The following NUDT14 variants were observed in gnomAD, a reference collection of about 807,000 sequenced individuals.
NUDT14 encodes the protein uridine diphosphate glucose pyrophosphatase NUDT14.
In NUDT14, 22 loss-of-function variants were observed where a neutral mutation model predicts 17.5. The observed-to-expected ratio is 1.26, with a 90% CI of 0.90 to 1.80. The LOEUF (loss-of-function observed/expected upper bound fraction) is 1.80, where lower values mean the gene tolerates loss of function less well. Among genes scored for constraint, NUDT14 ranks in the 40% most tolerant of loss-of-function variants. The pLI is 0.00. For missense variants in NUDT14, 296 were observed against 295.6 expected, an observed-to-expected ratio of 1.00 and a Z score of -0.01; for synonymous variants, 129 against 125.8, an observed-to-expected ratio of 1.03 and a Z score of -0.17.
At position 105,177,564 on chromosome 14, in the gene NUDT14, G is replaced by A. The variant is rs1221308954; in HGVS notation, c.125+128C>T. ...AAACCCAGAGGCCGGGCAGAGAGAA[G>A]GGACTTTTGGAGCCCACGCAGGGAA... On this transcript the variant is annotated intron_variant, in intron 2 of 4. Transcript: ENST00000392568. 7.3e-5 allele frequency: 61 copies of A among 833,470 alleles called. 1 individual carries two copies. Among genetic ancestry groups the A allele is most frequent in the South Asian group, 3.0e-4 (19 of 63,794 alleles). The allele number at this position is 833,470 out of a possible 1,614,324, so 51.6% of individuals were successfully genotyped here.
chr14:105,180,538 C>A (rs1260009836), intron 1 of NUDT14, among the ~76,000 whole-genome samples: 1 of 152,186 alleles, frequency 6.6e-6, no homozygotes, highest in Non-Finnish European at 1.5e-5. Context: ...AATACAGCCT[C>A]TTGTGCCGTG....
chr14:105,175,107 C>T (rs1889182422), intron 4 of NUDT14, among the ~76,000 whole-genome samples: 2 of 152,174 alleles, frequency 1.3e-5, no homozygotes, highest in Non-Finnish European at 2.9e-5. Flanking sequence ...AGGCTGTGGC[C>T]CAGAGGCTGT....
At chr14:105,176,434 A>C in intron 4 of NUDT14, 100 bp downstream of exon 4, 2 of 997,940 alleles carry the variant, frequency 2.0e-6, no homozygotes, top group Non-Finnish European at 3.1e-6. Context: ...TTGGAAAACA[A>C]GGAGGAATCC....
intron 4 of NUDT14, 60 bp downstream of exon 4, chr14:105,176,466 GGACGGGGC>G: frequency 7.8e-7 from 1 of 1,282,252 alleles, no homozygotes; most frequent in Non-Finnish European, 1.1e-6. Flanking sequence ...ACACTCCCAG[GGACGGGGC>G]CCTCACTCTC....
Position 105,173,530 on chromosome 14 carries a change from T to A in NUDT14, c.429-269A>T. On this transcript the variant is annotated intron_variant, in intron 4 of 4. Coordinates refer to ENST00000392568, the MANE Select transcript of NUDT14 (RefSeq NM_177533.5). This position sits in a 1 kb window ranked among gnomAD's most constrained non-coding sequence, Gnocchi z 4.7. ...TGATTAAGGACCCTAACCGGTGACT[T>A]GAGCTCATCAGAAGGGAGAGCATCC... is the stretch of plus-strand genomic sequence containing the variant. 1 of 332,666 alleles carries A rather than the reference T, an allele frequency of 3.0e-6. No homozygotes were observed. 20.6% of individuals were successfully genotyped at this position (332,666 alleles called of 1,614,324 possible).
chr14:105,175,885 G>A, intron 4 of NUDT14: 6 of 1,169,888 alleles, frequency 5.1e-6, no homozygotes, highest in Non-Finnish European at 4.3e-6. Flanking sequence ...GGCCTCTGGA[G>A]GAGGCTGTGG....
chr14:105,173,442 C>G lies in NUDT14; in HGVS notation c.429-181G>C, dbSNP rs112062556. On this transcript the variant is annotated intron_variant, in intron 4 of 4. Transcript: ENST00000392568. The surrounding 1 kb of genome is among the most constrained non-coding windows in gnomAD (Gnocchi z 4.7). Reference sequence around the variant, plus strand: ...TGGTGTGCACGCCCGTGGCCCCTCCCGCAGCAGGGCATCCCTTCCCTGATC... The same window carrying G: ...TGGTGTGCACGCCCGTGGCCCCTCCGGCAGCAGGGCATCCCTTCCCTGATC... 887 of 532,868 alleles carry G rather than the reference C, an allele frequency of 1.7e-3. 7 individuals carry two copies. Among genetic ancestry groups the G allele is most frequent in the African/African-American group, 0.014 (701 of 51,322 alleles). 33.0% of individuals were successfully genotyped at this position (532,868 alleles called of 1,614,324 possible). A position where few individuals can be genotyped will look rare whatever the true frequency, so the allele number is the denominator to read the frequency against.
chr14:105,178,943 C>T (rs985147568), intron 1 of NUDT14, among the ~76,000 whole-genome samples: 1 of 152,102 alleles, frequency 6.6e-6, no homozygotes, highest in African/African-American at 2.4e-5. Context: ...CCCGAGAGGC[C>T]GTGGGGTACC....
rs772866347 is a variant in NUDT14, at chr14:105,173,179, C to A, written c.511G>T (p.Gly171Cys). ...TDAQRSGPGG[G>C]LVEEGELIEV... ...ATGAGCTCACCCTCCTCCACCAGGCCCCCACCTGGACCGCTACGCTGGGCA... is the reference window on the plus strand; with the variant it reads ...ATGAGCTCACCCTCCTCCACCAGGCACCCACCTGGACCGCTACGCTGGGCA... Residue 171 changes from glycine (G) to cysteine (C), a missense_variant, in exon 5 of 5, where the codon GGC becomes TGC. Physicochemically the swap from Gly to Cys is radical, Grantham distance 159 (BLOSUM62 -3). Coordinates refer to ENST00000392568, the MANE Select transcript of NUDT14 (RefSeq NM_177533.5). This position sits in a 1 kb window ranked among gnomAD's most constrained non-coding sequence, Gnocchi z 4.7. The A allele has an allele frequency of 6.2e-7, 1 of 1,610,862 alleles. No homozygotes were observed. Among genetic ancestry groups the A allele is most frequent in the East Asian group, 2.2e-5 (1 of 44,724 alleles).
intron 1 of NUDT14, among the ~76,000 whole-genome samples, chr14:105,180,581 G>A (rs1009883230): frequency 6.6e-5 from 10 of 152,156 alleles, no homozygotes; most frequent in African/African-American, 2.2e-4. Context: ...ACCCTAGGAG[G>A]TGGGGAAGGC....
At position 105,173,105 on chromosome 14, in the gene NUDT14, G is replaced by A. The variant is rs1252664029; in HGVS notation, c.585C>T (p.Asp195=). Residue 195 remains aspartate (D), a synonymous_variant, in exon 5 of 5, where the codon GAC becomes GAT. Transcript: ENST00000392568. This position sits in a 1 kb window ranked among gnomAD's most constrained non-coding sequence, Gnocchi z 4.7. ...PLEGAQAFAD[D]PDIPKTLGVI... is the part of the protein sequence containing the mutation. Reference sequence around the variant, plus strand: ...CGCCGAGGGTCTTGGGGATGTCCGGGTCGTCTGCAAAGGCCTGGGCGCCTT... The same window carrying A: ...CGCCGAGGGTCTTGGGGATGTCCGGATCGTCTGCAAAGGCCTGGGCGCCTT... 2 of 1,590,996 alleles carry A rather than the reference G, an allele frequency of 1.3e-6. No individual in the cohort carries two copies. The highest frequency in any genetic ancestry group is 1.3e-5 in the African/African-American group (1 of 74,116).
chr14:105,175,752 G>A (rs1889199616), intron 4 of NUDT14: 37 of 1,005,834 alleles, frequency 3.7e-5, no homozygotes, highest in South Asian at 7.4e-5. Context: ...AGCCAGGAAC[G>A]TGCCCAGGTG....
chr14:105,175,299 T>A (rs1342438784), intron 4 of NUDT14, among the ~76,000 whole-genome samples: 1 of 152,210 alleles, frequency 6.6e-6, no homozygotes, highest in Non-Finnish European at 1.5e-5. Context: ...ACAGTGGGCG[T>A]GGCCCACCAC....
chr14:105,177,959 G>A (rs1889252522), intron 1 of NUDT14, among the ~76,000 whole-genome samples: 1 of 152,062 alleles, frequency 6.6e-6, no homozygotes, highest in Admixed American at 6.5e-5. Context: ...TGAGGCAGAA[G>A]ACCAGGGCAA....
intron 2 of NUDT14, 30 bp downstream of exon 2, chr14:105,177,662 C>G (rs1318103860): frequency 6.2e-7 from 1 of 1,609,480 alleles, no homozygotes; most frequent in Non-Finnish European, 8.5e-7. Context: ...CTGGGGCTTC[C>G]CCAGTGGCCA....
intron 4 of NUDT14, chr14:105,176,311 C>A: frequency 1.7e-6 from 1 of 594,510 alleles, no homozygotes; most frequent in Non-Finnish European, 3.0e-6. Context: ...CAGCTGGGGG[C>A]CGCAGGCTGG....
At position 105,181,064 on chromosome 14, in the gene NUDT14, G is replaced by GCGGGGCGCGGGTCGTGGGC. The variant is rs1889316445; in HGVS notation, c.81+46_81+64dup. On this transcript the variant is annotated intron_variant, in intron 1 of 4. Coordinates refer to ENST00000392568, the MANE Select transcript of NUDT14 (RefSeq NM_177533.5). The surrounding 1 kb of genome is among the most constrained non-coding windows in gnomAD (Gnocchi z 5.0). ...GGGCCGGCAGCGCGGAAGATGGTGG[G>GCGGGGCGCGGGTCGTGGGC]CGGGGCGCGGGTCGTGGGCCGGGCC... The GCGGGGCGCGGGTCGTGGGC allele has an allele frequency of 4.5e-6, 2 of 447,278 alleles. No individual in the cohort carries two copies. Among genetic ancestry groups the GCGGGGCGCGGGTCGTGGGC allele is most frequent in the Non-Finnish European group, 6.0e-6 (2 of 331,086 alleles). The allele number at this position is 447,278 out of a possible 1,614,324, so 27.7% of individuals were successfully genotyped here. A position where few individuals can be genotyped will look rare whatever the true frequency, so the allele number is the denominator to read the frequency against.
intron 4 of NUDT14, among the ~76,000 whole-genome samples, chr14:105,174,713 C>A (rs1226602123): frequency 6.6e-6 from 1 of 152,108 alleles, no homozygotes; most frequent in East Asian, 1.9e-4. Context: ...GTGAAGGAGA[C>A]AGGCCCGGCC....
At chr14:105,175,984 G>A (rs587696971) in intron 4 of NUDT14, 138 of 1,271,234 alleles carry the variant, frequency 1.1e-4, no homozygotes, top group African/African-American at 8.3e-4. Context: ...CCATCGTAGC[G>A]TCCCTGGGGA....
Sources: allele counts gnomAD v4.1 joint callset (sites outside exome capture counted in the v4.1 genomes callset), GRCh38; gene constraint gnomAD v4.1.1; non-coding constraint Gnocchi (gnomAD v3.1); transcripts MANE v1.5; gene names NCBI Gene and HGNC (gene_info 2026-07-23, HGNC 2026-07-21).